Variants in HMGB1 observed in about 807,000 individuals in gnomAD.
HMGB1 encodes the protein high mobility group protein B1.
For synonymous variants in HMGB1, 81 were observed against 84.0 expected (o/e 0.96, Z 0.19); for missense variants, 79 against 253.5 (o/e 0.31, Z 4.67).
chr13:30,509,306 T>A (rs1358766481), intron 1 of HMGB1, among the ~76,000 whole-genome samples: 1 of 151,746 alleles, frequency 6.6e-6, no homozygotes, highest in Non-Finnish European at 1.5e-5. Context: ...TGGTGTGATC[T>A]TGGCTCACTG....
chr13:30,475,211 GTC>G (rs1157359345), intron 1 of HMGB1, among the ~76,000 whole-genome samples: 2 of 79,490 alleles, frequency 2.5e-5, no homozygotes, highest in African/African-American at 5.3e-5. Context: ...TCAGCTCACT[GTC>G]TCTCTCTCTC....
chr13:30,556,979 T>C (rs1485667346), intron 1 of HMGB1, among the ~76,000 whole-genome samples: 4 of 152,330 alleles, frequency 2.6e-5, no homozygotes, highest in African/African-American at 9.6e-5. Context: ...ATAAATTATA[T>C]GTATGGAAAT....
At chr13:30,464,318 TG>T in intron 1 of HMGB1, 1 of 985,458 alleles carries the variant, frequency 1.0e-6, no homozygotes, top group Non-Finnish European at 1.2e-6. Flanking sequence ...GATGTATTTC[TG>T]TTCTGACTAA....
At chr13:30,496,996 G>A (rs944444159) in intron 1 of HMGB1, among the ~76,000 whole-genome samples, 61 of 152,002 alleles carry the variant, frequency 4.0e-4, no homozygotes, top group African/African-American at 1.0e-3. Context: ...CTCTACACAC[G>A]AAAGCCATCC....
intron 1 of HMGB1, among the ~76,000 whole-genome samples, chr13:30,566,373 T>C (rs139006175): frequency 6.1e-4 from 93 of 152,332 alleles, no homozygotes; most frequent in African/African-American, 2.1e-3. Flanking sequence ...GGGCCACATA[T>C]GGTTTCTGTT....
intron 1 of HMGB1, among the ~76,000 whole-genome samples, chr13:30,538,605 T>TTC (rs1415266604): frequency 7.4e-6 from 1 of 134,300 alleles, no homozygotes; most frequent in African/African-American, 3.4e-5. Flanking sequence ...TTCTTTTTCT[T>TTC]TCTTTCTCTT....
At chr13:30,609,000 G>GCCTGTAATCCCA (rs1950487090) in intron 1 of HMGB1, among the ~76,000 whole-genome samples, 1 of 139,516 alleles carries the variant, frequency 7.2e-6, no homozygotes, top group Non-Finnish European at 1.7e-5. Context: ...GGCGGCTCAC[G>GCCTGTAATCCCA]CCTGTAATCC....
intron 1 of HMGB1, among the ~76,000 whole-genome samples, chr13:30,596,544 A>G (rs1489059802): frequency 6.6e-6 from 1 of 152,230 alleles, no homozygotes; most frequent in African/African-American, 2.4e-5. Context: ...TTTATCAAAG[A>G]ACAAAACCAG....
intron 1 of HMGB1, among the ~76,000 whole-genome samples, chr13:30,528,719 C>T (rs1888426576): frequency 6.6e-6 from 1 of 152,068 alleles, no homozygotes; most frequent in Non-Finnish European, 1.5e-5. Context: ...ACATCCTCAA[C>T]TGAAGTTTGC....
At chr13:30,570,230 A>AT (rs1350220243) in intron 1 of HMGB1, among the ~76,000 whole-genome samples, 6 of 152,222 alleles carry the variant, frequency 3.9e-5, no homozygotes, top group African/African-American at 1.4e-4. Context: ...AGATGGGTGG[A>AT]TCACTTGAGG....
chr13:30,513,921 G>A (rs1420764133), intron 1 of HMGB1, among the ~76,000 whole-genome samples: 1 of 152,098 alleles, frequency 6.6e-6, no homozygotes, highest in African/African-American at 2.4e-5. Context: ...TTTTGTCTTT[G>A]TAGAAATGGG....
intron 1 of HMGB1, among the ~76,000 whole-genome samples, chr13:30,584,552 A>T (rs962614624): frequency 6.6e-6 from 1 of 152,172 alleles, no homozygotes; most frequent in Non-Finnish European, 1.5e-5. Context: ...ATCAGCACCT[A>T]AGACAGTTCC....
chr13:30,485,509 C>A (rs1887345461), intron 1 of HMGB1, among the ~76,000 whole-genome samples: 1 of 144,376 alleles, frequency 6.9e-6, no homozygotes, highest in South Asian at 2.3e-4. Context: ...ACACCAGTGT[C>A]CTGCCTTGAG....
intron 1 of HMGB1, among the ~76,000 whole-genome samples, chr13:30,575,404 C>G (rs1417951500): frequency 1.3e-5 from 2 of 152,184 alleles, no homozygotes; most frequent in African/African-American, 4.8e-5. Context: ...ACTCTAGCAA[C>G]AGGCCATACA....
At position 30,460,336 on chromosome 13, in the gene HMGB1, TTAGA is replaced by T. The variant is rs779093822; in HGVS notation, c.*1017_*1020del. On this transcript the variant is annotated 3_prime_UTR_variant, in exon 5 of 5. Coordinates refer to ENST00000341423, the MANE Select transcript of HMGB1 (RefSeq NM_002128.7). ...GTCTCGTTTCCTGAGCAGTCCATAT[TTAGA>T]TAAATGGGAAAAGACATCTATAGCC... 23 of 151,280 alleles carry T rather than the reference TTAGA, an allele frequency of 1.5e-4. No homozygotes were observed. Among genetic ancestry groups the T allele is most frequent in the Non-Finnish European group, 2.8e-4 (19 of 67,716 alleles). 9.4% of individuals were successfully genotyped at this position (151,280 alleles called of 1,614,324 possible).
intron 1 of HMGB1, among the ~76,000 whole-genome samples, chr13:30,548,280 CG>C (rs986686912): frequency 5.1e-4 from 78 of 152,208 alleles, no homozygotes; most frequent in African/African-American, 1.8e-3. Flanking sequence ...TGCTTTTGCT[CG>C]GCACTTCTCC....
chr13:30,486,539 G>A (rs942953346), intron 1 of HMGB1, among the ~76,000 whole-genome samples: 2 of 152,312 alleles, frequency 1.3e-5, no homozygotes, highest in Middle Eastern at 3.4e-3. Context: ...GGAAGGCTGG[G>A]AGTGGAAAAT....
At chr13:30,465,129 G>A (rs892884277) in intron 1 of HMGB1, 52 of 967,252 alleles carry the variant, frequency 5.4e-5, no homozygotes, top group Non-Finnish European at 5.9e-5. Flanking sequence ...TCTCCAGCCA[G>A]CAGCGCCGGG....
intron 1 of HMGB1, among the ~76,000 whole-genome samples, chr13:30,593,800 A>G (rs1274934731): frequency 6.6e-6 from 1 of 152,210 alleles, no homozygotes; most frequent in Non-Finnish European, 1.5e-5. Flanking sequence ...ACATTCCACT[A>G]AAAAAGGAGT....
Sources: gnomAD v4.1 joint callset for allele counts (sites outside exome capture counted in the v4.1 genomes callset) on GRCh38, gnomAD v4.1.1 for gene constraint, MANE v1.5 for transcripts, NCBI Gene and HGNC (gene_info 2026-07-23, HGNC 2026-07-21) for gene names.